The following CSRNP3 variants were observed in gnomAD, a reference collection of about 807,000 sequenced individuals.
CSRNP3 encodes the protein cysteine/serine-rich nuclear protein 3.
Under a neutral mutation model 48.0 loss-of-function variants are expected in CSRNP3, and 12 were observed. That is an observed-to-expected ratio of 0.25 (90% confidence interval 0.16 to 0.41). The LOEUF is 0.41. Ranked by LOEUF, CSRNP3 falls within the 10% of genes least tolerant of loss-of-function variation. CSRNP3 has a pLI of 1.00. For missense variants in CSRNP3, 580 were observed against 724.4 expected (o/e 0.80, Z 2.29); for synonymous variants, 263 against 269.7 (o/e 0.98, Z 0.24).
intron 2 of CSRNP3, among the ~76,000 whole-genome samples, chr2:165,505,690 G>GT (rs1217658586): frequency 6.6e-6 from 1 of 151,970 alleles, no homozygotes; most frequent in Non-Finnish European, 1.5e-5. Flanking sequence ...ACTTCCGGAG[G>GT]TTTTTTTAAT....
chr2:165,524,466 T>A (rs1294393820), intron 3 of CSRNP3, among the ~76,000 whole-genome samples: 3 of 152,214 alleles, frequency 2.0e-5, no homozygotes, highest in Non-Finnish European at 4.4e-5. Flanking sequence ...TTATTCGTTT[T>A]TAAACTTATA....
intron 3 of CSRNP3, among the ~76,000 whole-genome samples, chr2:165,562,923 G>C (rs933709850): frequency 1.3e-5 from 2 of 152,082 alleles, no homozygotes; most frequent in Admixed American, 6.6e-5. Context: ...TCTAAAGAGG[G>C]GGCGCTTTAG....
intron 1 of CSRNP3, among the ~76,000 whole-genome samples, chr2:165,483,220 GCC>G: frequency 6.6e-6 from 1 of 152,126 alleles, no homozygotes; most frequent in Admixed American, 6.5e-5. Context: ...TGCAAAACTT[GCC>G]TGGTAACAAC....
At chr2:165,655,141 T>C (rs751580899) in intron 4 of CSRNP3, among the ~76,000 whole-genome samples, 1 of 152,034 alleles carries the variant, frequency 6.6e-6, no homozygotes, top group Non-Finnish European at 1.5e-5. Context: ...CCAATTAGAG[T>C]CAATTTTTTT....
chr2:165,669,427 A>G (rs1271298661), intron 5 of CSRNP3, among the ~76,000 whole-genome samples: 1 of 152,158 alleles, frequency 6.6e-6, no homozygotes, highest in Non-Finnish European at 1.5e-5. Flanking sequence ...TCATCTCATT[A>G]AAATTTATGG....
rs1687429077 is a variant in CSRNP3 at position 165,676,563 on chromosome 2, T to C, written c.660T>C (p.Cys220=). 1 of 1,614,088 alleles carries C rather than the reference T, an allele frequency of 6.2e-7. No homozygotes were observed. The highest frequency in any genetic ancestry group is 1.3e-5 in the African/African-American group (1 of 75,060). The part of the protein sequence containing the change: ...EDCGCDCRVF[C]DPDTCTCSLA... ...GTGGCTGTGACTGCCGAGTGTTCTG[T>C]GATCCAGACACGTGCACCTGCAGCC... Residue 220 remains cysteine, a synonymous_variant, in exon 6 of 7, where the codon TGT becomes TGC. Transcript: ENST00000651982.
chr2:165,510,430 T>C (rs1025651870), intron 2 of CSRNP3, among the ~76,000 whole-genome samples: 2 of 152,202 alleles, frequency 1.3e-5, no homozygotes, highest in Non-Finnish European at 2.9e-5. Context: ...TTGCCTCAGC[T>C]ATTTCAACTC....
chr2:165,591,686 T>C (rs546980757), intron 3 of CSRNP3, among the ~76,000 whole-genome samples: 5 of 152,266 alleles, frequency 3.3e-5, no homozygotes, highest in African/African-American at 1.2e-4. Flanking sequence ...TTTTAGAAGG[T>C]GCAAGCCCAA....
chr2:165,539,117 C>T (rs1473351165), intron 3 of CSRNP3, among the ~76,000 whole-genome samples: 3 of 151,914 alleles, frequency 2.0e-5, no homozygotes, highest in Non-Finnish European at 2.9e-5. Context: ...CAACCCTTTG[C>T]ATTCAACCTG....
chr2:165,662,354 G>A (rs1171817655), intron 5 of CSRNP3, among the ~76,000 whole-genome samples: 1 of 151,988 alleles, frequency 6.6e-6, no homozygotes, highest in African/African-American at 2.4e-5. Context: ...TTTTGTTAGT[G>A]GTGCTGGTCT....
chr2:165,611,065 T>A (rs16850938), intron 4 of CSRNP3, among the ~76,000 whole-genome samples: 1,612 of 152,044 alleles, frequency 0.011, 96 homozygotes, highest in Admixed American at 0.093. Flanking sequence ...TCAAGGACAA[T>A]TTGCTAGAAG....
chr2:165,559,796 C>CTTTTTTTTTTTTTTTT (rs11313094), intron 3 of CSRNP3, among the ~76,000 whole-genome samples: 2 of 98,424 alleles, frequency 2.0e-5, no homozygotes, highest in Admixed American at 1.3e-4. Flanking sequence ...TTCTTTCTTT[C>CTTTTTTTTTTTTTTTT]TTTTTTTTTT....
intron 1 of CSRNP3, among the ~76,000 whole-genome samples, chr2:165,480,595 G>T (rs1684027249): frequency 1.3e-5 from 2 of 151,728 alleles, no homozygotes; most frequent in African/African-American, 4.8e-5. Flanking sequence ...CACAGCATTG[G>T]CAAGAGTGAA....
intron 4 of CSRNP3, among the ~76,000 whole-genome samples, chr2:165,636,760 T>G (rs1438419432): frequency 6.6e-6 from 1 of 152,180 alleles, no homozygotes; most frequent in Non-Finnish European, 1.5e-5. Context: ...ATTCTAAAAT[T>G]TCATCATGCT....
chr2:165,596,427 C>G (rs1048919752), intron 4 of CSRNP3, among the ~76,000 whole-genome samples: 2 of 151,922 alleles, frequency 1.3e-5, no homozygotes, highest in African/African-American at 2.4e-5. Flanking sequence ...GGCAATGTAG[C>G]AACTCAAACA....
intron 3 of CSRNP3, among the ~76,000 whole-genome samples, chr2:165,591,586 C>G (rs1450099952): frequency 6.6e-6 from 1 of 152,126 alleles, no homozygotes; most frequent in Non-Finnish European, 1.5e-5. Context: ...ACCCCCTGTT[C>G]TGTGCAGCCT....
intron 3 of CSRNP3, among the ~76,000 whole-genome samples, chr2:165,518,978 A>G (rs41342748): frequency 0.18 from 26,844 of 152,006 alleles, 2,558 homozygotes; most frequent in Non-Finnish European, 0.2. Flanking sequence ...GCCAAATTTT[A>G]TAAGGGCATG....
At chr2:165,570,496 AC>A in intron 3 of CSRNP3, among the ~76,000 whole-genome samples, 1 of 150,558 alleles carries the variant, frequency 6.6e-6, no homozygotes, top group Non-Finnish European at 1.5e-5. Context: ...TTGTTCTCCC[AC>A]TCTCACTTTC....
intron 3 of CSRNP3, among the ~76,000 whole-genome samples, chr2:165,547,891 A>G (rs1007051163): frequency 6.6e-6 from 1 of 152,238 alleles, no homozygotes. Context: ...CCCACTGTTA[A>G]GGTTTGGGTA....
Sources: allele counts gnomAD v4.1 joint callset (sites outside exome capture counted in the v4.1 genomes callset), GRCh38; gene constraint gnomAD v4.1.1; transcripts MANE v1.5; gene names NCBI Gene and HGNC (gene_info 2026-07-23, HGNC 2026-07-21).